FAM193B: variants seen among roughly 807,000 people sequenced by gnomAD.
FAM193B encodes the protein protein FAM193B.
In FAM193B, 27 loss-of-function variants were observed where a neutral mutation model predicts 70.7. The observed-to-expected ratio is 0.38, with a 90% confidence interval of 0.28 to 0.53. The LOEUF (loss-of-function observed/expected upper bound fraction) is 0.53. FAM193B is among the 20% of genes least tolerant of loss of function. FAM193B has a pLI of 0.81. For synonymous variants in FAM193B, 448 were observed against 436.0 expected (o/e 1.03, Z -0.34); for missense variants, 1,022 against 1,072.5 (o/e 0.95, Z 0.66).
In FAM193B at chr5:177,532,404, T is replaced by G. The variant is rs138349767; in HGVS notation, c.1275+39A>C. ...GGGTGCTCCTTTTGCTCACCTTGGC[T>G]GGCCCCCAGCCCTCTCTAGCCTGGG... On this transcript the variant is annotated intron_variant, in intron 5 of 8. Transcript: ENST00000514747. This position sits in a 1 kb window ranked among gnomAD's most constrained non-coding sequence, Gnocchi z 4.9. 1 of 1,581,342 alleles carries G rather than the reference T, an allele frequency of 6.3e-7. No homozygotes were observed. Among genetic ancestry groups the G allele is most frequent in the Non-Finnish European group, 8.6e-7 (1 of 1,166,734 alleles).
At chr5:177,548,613 A>C (rs1409966071) in intron 1 of FAM193B, among the ~76,000 whole-genome samples, 1 of 152,146 alleles carries the variant, frequency 6.6e-6, no homozygotes, top group Admixed American at 6.6e-5. Flanking sequence ...GAACAATTCA[A>C]CAATAGATAC....
intron 5 of FAM193B, among the ~76,000 whole-genome samples, chr5:177,526,964 C>T (rs559780740): frequency 3.9e-5 from 6 of 152,304 alleles, no homozygotes; most frequent in East Asian, 1.9e-4. Flanking sequence ...CTGTTGAATT[C>T]AGAGTGACAG....
intron 1 of FAM193B, among the ~76,000 whole-genome samples, chr5:177,552,431 A>G (rs558037423): frequency 1.3e-5 from 2 of 152,368 alleles, no homozygotes; most frequent in South Asian, 4.1e-4. Context: ...TGTCAAAGAA[A>G]TTGATGAAGC....
intron 1 of FAM193B, among the ~76,000 whole-genome samples, chr5:177,544,319 G>A (rs908586961): frequency 6.6e-6 from 1 of 152,130 alleles, no homozygotes; most frequent in Non-Finnish European, 1.5e-5. Flanking sequence ...AGACTTTTTT[G>A]TCTTGGCCTG....
intron 5 of FAM193B, among the ~76,000 whole-genome samples, chr5:177,527,125 T>C (rs1179033833): frequency 6.6e-6 from 1 of 151,768 alleles, no homozygotes; most frequent in Non-Finnish European, 1.5e-5. Context: ...CCGGAGGCAG[T>C]GAGACAAGCA....
intron 1 of FAM193B, among the ~76,000 whole-genome samples, chr5:177,548,883 A>G (rs1765808087): frequency 6.6e-6 from 1 of 152,210 alleles, no homozygotes; most frequent in South Asian, 2.1e-4. Context: ...GTGGTTTTCA[A>G]GAACCCTGCT....
intron 1 of FAM193B, among the ~76,000 whole-genome samples, chr5:177,545,747 T>C (rs1469802693): frequency 1.3e-5 from 2 of 152,000 alleles, no homozygotes; most frequent in African/African-American, 2.4e-5. Flanking sequence ...GAATAACCCA[T>C]TGCCAGACCA....
Position 177,538,469 on chromosome 5 carries a change from G to C in FAM193B, c.454-362C>G, listed in dbSNP as rs935914231. ...CTGGGTAAAAGGGAAGATCTGCAGC[G>C]ACGTGAGAAATGAGGAAAGTCTGGC... On this transcript the variant is annotated intron_variant, in intron 2 of 8. Coordinates refer to ENST00000514747, the MANE Select transcript of FAM193B (RefSeq NM_001190946.3). This position sits in a 1 kb window ranked among gnomAD's most constrained non-coding sequence, Gnocchi z 4.1. Among the ~76,000 whole-genome samples the C allele has an allele frequency of 6.6e-6, 1 of 152,174 alleles. No homozygotes were observed. Among genetic ancestry groups the C allele is most frequent in the Non-Finnish European group, 1.5e-5 (1 of 68,036 alleles).
intron 4 of FAM193B, among the ~76,000 whole-genome samples, chr5:177,534,092 TGA>T (rs1763879736): frequency 6.6e-6 from 1 of 152,136 alleles, no homozygotes; most frequent in Non-Finnish European, 1.5e-5. Context: ...GCAGGGGAAC[TGA>T]GAGCAAGGAC....
At position 177,532,995 on chromosome 5, in the gene FAM193B, C is replaced by T. The variant is rs552921181; in HGVS notation, c.1077-354G>A. Among the ~76,000 whole-genome samples, 14 of 152,346 alleles carry T rather than the reference C, an allele frequency of 9.2e-5. No individual in the cohort carries two copies. The highest frequency in any genetic ancestry group is 8.3e-4 in the South Asian group (4 of 4,830). ...CATTTGTCTCTCAAACTGGACTGCA[C>T]GCCTCAAGGGCAGGGGCTGTGTTGC... On this transcript the variant is annotated intron_variant, in intron 4 of 8. Coordinates refer to ENST00000514747, the MANE Select transcript of FAM193B (RefSeq NM_001190946.3). This position sits in a 1 kb window ranked among gnomAD's most constrained non-coding sequence, Gnocchi z 4.9.
chr5:177,538,643 C>T lies in FAM193B; in HGVS notation c.453+262G>A, dbSNP rs1015112496. 2.6e-5 allele frequency among the ~76,000 whole-genome samples: 4 copies of T among 152,190 alleles called. No homozygotes were observed. The highest frequency in any genetic ancestry group is 7.2e-5 in the African/African-American group (3 of 41,448). On this transcript the variant is annotated intron_variant, in intron 2 of 8. Transcript: ENST00000514747. The surrounding 1 kb of genome is among the most constrained non-coding windows in gnomAD (Gnocchi z 4.1). ...GCCACAGAGCCGAAGGCAGCAGGCT[C>T]GTGATCTACCAGTACCTATGAGTGG...
chr5:177,552,696 T>C (rs979927597), intron 1 of FAM193B, among the ~76,000 whole-genome samples: 13 of 150,612 alleles, frequency 8.6e-5, no homozygotes, highest in Admixed American at 4.6e-4. Flanking sequence ...CCAGTAGGGG[T>C]TGGGGGTCCA....
intron 1 of FAM193B, among the ~76,000 whole-genome samples, chr5:177,540,826 T>A (rs1764764398): frequency 6.6e-6 from 1 of 152,174 alleles, no homozygotes; most frequent in South Asian, 2.1e-4. Flanking sequence ...CTGGGTAACA[T>A]GTGTCTGCAG....
chr5:177,532,308 C>G lies in FAM193B; in HGVS notation c.1275+135G>C. ...GTGCTGTGAGGATCAAGCGAGCAGACGCAGGTGCAAGGACTCACGGCCCCA... is the reference window on the plus strand; with the variant it reads ...GTGCTGTGAGGATCAAGCGAGCAGAGGCAGGTGCAAGGACTCACGGCCCCA... On this transcript the variant is annotated intron_variant, in intron 5 of 8. Transcript: ENST00000514747. This position sits in a 1 kb window ranked among gnomAD's most constrained non-coding sequence, Gnocchi z 4.9. 6.7e-7 allele frequency: 1 copy of G among 1,486,968 alleles called. No homozygotes were observed. The allele number at this position is 1,486,968 out of a possible 1,614,324, so 92.1% of individuals were successfully genotyped here.
At chr5:177,543,387 C>T (rs1765072647) in intron 1 of FAM193B, among the ~76,000 whole-genome samples, 2 of 152,202 alleles carry the variant, frequency 1.3e-5, no homozygotes, top group South Asian at 2.1e-4. Context: ...GCTGCAGGCA[C>T]TCAATCTATT....
At chr5:177,535,984 C>CA (rs1764119017) in intron 4 of FAM193B, among the ~76,000 whole-genome samples, 1 of 150,446 alleles carries the variant, frequency 6.6e-6, no homozygotes, top group African/African-American at 2.5e-5. Flanking sequence ...GATCAATGCT[C>CA]ACAGCAACCC....
At chr5:177,551,048 T>G (rs908534083) in intron 1 of FAM193B, among the ~76,000 whole-genome samples, 1 of 151,838 alleles carries the variant, frequency 6.6e-6, no homozygotes, top group African/African-American at 2.4e-5. Flanking sequence ...TCACCAATGC[T>G]GGTCTCAAAC....
intron 5 of FAM193B, chr5:177,531,428 C>A (rs958906355): frequency 1.5e-6 from 2 of 1,362,552 alleles, no homozygotes; most frequent in East Asian, 4.6e-5. Flanking sequence ...AGGGTGCCCC[C>A]CTTCATGGGC....
chr5:177,551,208 ATCCAAG>A (rs2127494314), intron 1 of FAM193B, among the ~76,000 whole-genome samples: 1 of 152,318 alleles, frequency 6.6e-6, no homozygotes, highest in South Asian at 2.1e-4. Context: ...TGGGAATTCA[ATCCAAG>A]TCTCTAAACA....
Sources: gnomAD v4.1 joint callset for allele counts (sites outside exome capture counted in the v4.1 genomes callset) on GRCh38, gnomAD v4.1.1 for gene constraint, Gnocchi (gnomAD v3.1) non-coding constraint, MANE v1.5 for transcripts, NCBI Gene and HGNC (gene_info 2026-07-23, HGNC 2026-07-21) for gene names.